The following PIP4K2A variants were observed in gnomAD, a reference collection of about 807,000 sequenced individuals.
PIP4K2A encodes the protein phosphatidylinositol-5-phosphate 4-kinase type 2 alpha.
In PIP4K2A, 14 loss-of-function variants were observed where a neutral mutation model predicts 42.9. That is an observed-to-expected ratio of 0.33 (90% confidence interval 0.22 to 0.51). The LOEUF is 0.51. PIP4K2A is among the 20% of genes least tolerant of loss of function. The pLI is 0.97. For missense variants in PIP4K2A, 434 were observed against 519.8 expected (o/e 0.83, Z 1.61); for synonymous variants, 192 against 192.2 (o/e 1.00, Z 0.01).
At chr10:22,664,116 CA>C (rs1839279348) in intron 1 of PIP4K2A, among the ~76,000 whole-genome samples, 1 of 50,506 alleles carries the variant, frequency 2.0e-5, no homozygotes, top group African/African-American at 1.8e-4. Flanking sequence ...TATATATATA[CA>C]TATATATATA....
intron 1 of PIP4K2A, among the ~76,000 whole-genome samples, chr10:22,670,464 TG>T (rs1399880973): frequency 2.0e-5 from 3 of 152,174 alleles, no homozygotes; most frequent in Non-Finnish European, 1.5e-5. Context: ...CTTCCTTCTA[TG>T]GGGTGTTCAC....
intron 4 of PIP4K2A, among the ~76,000 whole-genome samples, chr10:22,586,393 C>T (rs1483517999): frequency 6.6e-6 from 1 of 152,122 alleles, no homozygotes. Context: ...CCACAGTCTA[C>T]CAGAAACCAG....
intron 4 of PIP4K2A, among the ~76,000 whole-genome samples, chr10:22,578,407 A>G (rs1313872953): frequency 6.6e-6 from 1 of 152,156 alleles, no homozygotes; most frequent in Non-Finnish European, 1.5e-5. Context: ...AATTTGACAG[A>G]TGCTTCTCCG....
chr10:22,713,007 T>C (rs1178146842), intron 1 of PIP4K2A, among the ~76,000 whole-genome samples: 1 of 151,930 alleles, frequency 6.6e-6, no homozygotes, highest in Non-Finnish European at 1.5e-5. Context: ...GAAAAGGACA[T>C]ACAGACATCC....
intron 9 of PIP4K2A, among the ~76,000 whole-genome samples, chr10:22,538,081 G>A (rs1280558604): frequency 6.6e-6 from 1 of 152,232 alleles, no homozygotes. Flanking sequence ...GAGCTGCAAA[G>A]GGCAAGCACG....
chr10:22,568,880 C>G, intron 5 of PIP4K2A: 1 of 636,128 alleles, frequency 1.6e-6, no homozygotes, highest in Non-Finnish European at 2.7e-6. Context: ...ATTTCCTGGG[C>G]TCCCTTCCCC....
chr10:22,678,683 G>A (rs1402357047), intron 1 of PIP4K2A, among the ~76,000 whole-genome samples: 1 of 152,048 alleles, frequency 6.6e-6, no homozygotes, highest in Non-Finnish European at 1.5e-5. Context: ...GACAAATCTT[G>A]GTACTTAGAT....
intron 7 of PIP4K2A, among the ~76,000 whole-genome samples, chr10:22,544,160 C>T (rs570594924): frequency 8.5e-5 from 13 of 152,266 alleles, no homozygotes; most frequent in East Asian, 1.9e-4. Context: ...TGTGGGTCTC[C>T]GGAGGGTTAG....
chr10:22,587,661 G>A (rs1163096141), intron 4 of PIP4K2A, among the ~76,000 whole-genome samples: 1 of 152,300 alleles, frequency 6.6e-6, no homozygotes, highest in East Asian at 1.9e-4. Flanking sequence ...GACATGCCAG[G>A]CTGAGCCCAC....
At chr10:22,591,854 C>G (rs1470135472) in intron 3 of PIP4K2A, 73 bp from the exon 4 acceptor site, 1 of 1,297,696 alleles carries the variant, frequency 7.7e-7, no homozygotes. Flanking sequence ...TTCCGATTCC[C>G]AGATAATTTG....
At chr10:22,544,835 G>A (rs1190819611) in intron 7 of PIP4K2A, among the ~76,000 whole-genome samples, 1 of 152,144 alleles carries the variant, frequency 6.6e-6, no homozygotes, top group African/African-American at 2.4e-5. Flanking sequence ...CCCACTTCCT[G>A]GGCTTCTCTG....
At chr10:22,664,148 T>TAC (rs1839286721) in intron 1 of PIP4K2A, among the ~76,000 whole-genome samples, 1 of 24,990 alleles carries the variant, frequency 4.0e-5, no homozygotes. Context: ...TATACATATA[T>TAC]ATACACATAT....
At chr10:22,667,355 C>G (rs1465596478) in intron 1 of PIP4K2A, among the ~76,000 whole-genome samples, 1 of 148,308 alleles carries the variant, frequency 6.7e-6, no homozygotes, top group Admixed American at 6.7e-5. Flanking sequence ...CACGTTAAGT[C>G]TTGAAATATT....
chr10:22,706,522 T>C (rs115667207), intron 1 of PIP4K2A, among the ~76,000 whole-genome samples: 2,144 of 152,286 alleles, frequency 0.014, 49 homozygotes, highest in African/African-American at 0.047. Flanking sequence ...TTCTGCACGG[T>C]CTATTTAATA....
intron 1 of PIP4K2A, among the ~76,000 whole-genome samples, chr10:22,644,412 G>A (rs901409995): frequency 6.6e-6 from 1 of 152,162 alleles, no homozygotes; most frequent in African/African-American, 2.4e-5. Flanking sequence ...TTGCAGCCCA[G>A]GGCATCCTAT....
At chr10:22,607,855 C>T (rs1451989528) in intron 3 of PIP4K2A, 72 bp downstream of exon 3, 6 of 864,872 alleles carry the variant, frequency 6.9e-6, no homozygotes, top group Non-Finnish European at 1.2e-5. Flanking sequence ...AAATACAGAT[C>T]CCAATTGACA....
At chr10:22,563,657 T>C (rs1306051246) in intron 6 of PIP4K2A, among the ~76,000 whole-genome samples, 1 of 152,194 alleles carries the variant, frequency 6.6e-6, no homozygotes, top group Non-Finnish European at 1.5e-5. Context: ...CAAGGCAGTG[T>C]GGCATAGTGG....
chr10:22,679,832 G>C (rs561974109), intron 1 of PIP4K2A, among the ~76,000 whole-genome samples: 1 of 152,238 alleles, frequency 6.6e-6, no homozygotes, highest in African/African-American at 2.4e-5. Flanking sequence ...CAAATCTACA[G>C]AGACAGGAAG....
At chr10:22,609,974 T>C (rs1047457422) in intron 1 of PIP4K2A, among the ~76,000 whole-genome samples, 1 of 152,194 alleles carries the variant, frequency 6.6e-6, no homozygotes, top group Non-Finnish European at 1.5e-5. Flanking sequence ...TCATGCCACC[T>C]GTCCCTGCTT....
Sources: allele counts gnomAD v4.1 joint callset (sites outside exome capture counted in the v4.1 genomes callset), GRCh38; gene constraint gnomAD v4.1.1; transcripts MANE v1.5; gene names NCBI Gene and HGNC (gene_info 2026-07-23, HGNC 2026-07-21).